Variants in BCL11A observed in about 807,000 individuals in gnomAD.
The protein encoded by BCL11A is BCL11 transcription factor A.
In BCL11A, 2 loss-of-function variants were observed where a neutral mutation model predicts 55.9. That is an observed-to-expected ratio of 0.04 (90% CI 0.01 to 0.11). BCL11A has a LOEUF of 0.11. Among genes scored for constraint, BCL11A ranks in the 10% least tolerant of loss-of-function variants. The pLI, the probability that BCL11A is intolerant of heterozygous loss-of-function variation, is 1.00. For missense variants in BCL11A, 817 were observed against 1,137.1 expected, an observed-to-expected ratio of 0.72 and a Z score of 4.05; for synonymous variants, 465 against 473.4, an observed-to-expected ratio of 0.98 and a Z score of 0.23.
intron 2 of BCL11A, among the ~76,000 whole-genome samples, chr2:60,482,074 A>T (rs188000534): frequency 1.2e-3 from 177 of 151,988 alleles, no homozygotes; most frequent in Non-Finnish European, 1.7e-3. Flanking sequence ...GTCACTTCTG[A>T]CTCCCAGGAA....
At position 60,457,668 on chromosome 2, in the gene BCL11A, T is replaced by C. The variant is rs1676002832; in HGVS notation, c.*2736A>G. On this transcript the variant is annotated 3_prime_UTR_variant, in exon 4 of 4. Transcript: ENST00000642384. ...GGCAATGAAAAAAACTGCAAAACAT[T>C]GGTTTTTTTTTTTTTTTCCTTTTTT... 9.7e-7 allele frequency: 1 copy of C among 1,029,934 alleles called. No individual in the cohort carries two copies. The highest frequency in any genetic ancestry group is 1.2e-6 in the Non-Finnish European group (1 of 856,488). 63.8% of individuals were successfully genotyped at this position (1,029,934 alleles called of 1,614,324 possible). A position where few individuals can be genotyped will look rare whatever the true frequency, so the allele number is the denominator to read the frequency against.
chr2:60,542,634 C>G (rs1412684957), intron 2 of BCL11A: 2 of 152,174 alleles, frequency 1.3e-5, no homozygotes, highest in African/African-American at 4.8e-5. Context: ...ATGAAAAAAG[C>G]AACCTGATTA....
At chr2:60,501,335 A>G (rs1679265526) in intron 2 of BCL11A, among the ~76,000 whole-genome samples, 1 of 152,138 alleles carries the variant, frequency 6.6e-6, no homozygotes, top group Non-Finnish European at 1.5e-5. Flanking sequence ...AATATCTATA[A>G]GAGCACAGGT....
intron 3 of BCL11A, among the ~76,000 whole-genome samples, chr2:60,464,966 T>G (rs1212979596): frequency 6.6e-6 from 1 of 152,180 alleles, no homozygotes; most frequent in Non-Finnish European, 1.5e-5. Context: ...ATATTCTAGA[T>G]CATGAGGGCA....
intron 2 of BCL11A, among the ~76,000 whole-genome samples, chr2:60,540,480 T>C (rs1055530213): frequency 6.6e-6 from 1 of 152,194 alleles, no homozygotes; most frequent in Admixed American, 6.5e-5. Flanking sequence ...AATTTAATAT[T>C]TCCCCCCAAA....
At chr2:60,515,591 A>T (rs1668694352) in intron 2 of BCL11A, among the ~76,000 whole-genome samples, 1 of 152,142 alleles carries the variant, frequency 6.6e-6, no homozygotes, top group Non-Finnish European at 1.5e-5. Flanking sequence ...TACCTAGAAA[A>T]ATGGCCTGGG....
At chr2:60,452,708 A>G, downstream of BCL11A, 1 of 1,473,496 alleles carries the variant, frequency 6.8e-7, no homozygotes, top group Non-Finnish European at 9.5e-7. Flanking sequence ...AAAAAAAAGT[A>G]CAGGTGTGAC....
chr2:60,487,726 A>C (rs6545816), intron 2 of BCL11A, among the ~76,000 whole-genome samples: 77,487 of 152,040 alleles, frequency 0.51, 20,467 homozygotes, highest in East Asian at 0.78. Flanking sequence ...AGCAGAATGT[A>C]AAAAGCAAGA....
At chr2:60,472,116 C>T (rs1271652971) in intron 2 of BCL11A, among the ~76,000 whole-genome samples, 2 of 152,192 alleles carry the variant, frequency 1.3e-5, no homozygotes, top group Non-Finnish European at 2.9e-5. Context: ...AAGGATCCCT[C>T]CATTAGGAAA....
chr2:60,548,661 A>G (rs1479421581), intron 1 of BCL11A, among the ~76,000 whole-genome samples: 1 of 152,250 alleles, frequency 6.6e-6, no homozygotes, highest in Non-Finnish European at 1.5e-5. Context: ...AACGTAAATT[A>G]TTGCTAATTA....
chr2:60,478,788 C>T (rs1305607543), intron 2 of BCL11A, among the ~76,000 whole-genome samples: 1 of 152,234 alleles, frequency 6.6e-6, no homozygotes, highest in Non-Finnish European at 1.5e-5. Context: ...CCTCCCATGA[C>T]GGCAAGTCCT....
intron 1 of BCL11A, among the ~76,000 whole-genome samples, chr2:60,549,562 G>A (rs1670307526): frequency 6.6e-6 from 1 of 152,206 alleles, no homozygotes; most frequent in Non-Finnish European, 1.5e-5. Context: ...GCAGCGTGCT[G>A]GCTGCAGGCT....
At chr2:60,527,709 C>T (rs1669267718) in intron 2 of BCL11A, 1 of 152,274 alleles carries the variant, frequency 6.6e-6, no homozygotes, top group Admixed American at 6.5e-5. Flanking sequence ...AACTCTTCCA[C>T]TCCTCCCACG....
intron 2 of BCL11A, among the ~76,000 whole-genome samples, chr2:60,512,729 T>C (rs941495351): frequency 1.3e-5 from 2 of 152,226 alleles, no homozygotes; most frequent in East Asian, 3.9e-4. Context: ...CTACGTTACT[T>C]GAAGTTGGTT....
intron 2 of BCL11A, among the ~76,000 whole-genome samples, chr2:60,519,880 C>T (rs1359404112): frequency 6.6e-6 from 1 of 152,198 alleles, no homozygotes; most frequent in Non-Finnish European, 1.5e-5. Flanking sequence ...ATTTGCCAAT[C>T]CATAACTCAG....
At position 60,458,740 on chromosome 2, in the gene BCL11A, A is replaced by G. The variant is rs1676069044; in HGVS notation, c.*1664T>C. 9.7e-7 allele frequency: 1 copy of G among 1,033,100 alleles called. No individual in the cohort carries two copies. Among genetic ancestry groups the G allele is most frequent in the African/African-American group, 1.7e-5 (1 of 59,276 alleles). The allele number at this position is 1,033,100 out of a possible 1,614,324, so 64.0% of individuals were successfully genotyped here. ...ACAGTGCACTTAATTGTCCTATCTGAGCAGGTTTATTTTATACTCAACCTC... is the reference window on the plus strand; with the variant it reads ...ACAGTGCACTTAATTGTCCTATCTGGGCAGGTTTATTTTATACTCAACCTC... On this transcript the variant is annotated 3_prime_UTR_variant, in exon 4 of 4. Transcript: ENST00000642384.
In BCL11A at chr2:60,553,569, G is replaced by T; in HGVS notation, c.-299C>A. On this transcript the variant is annotated 5_prime_UTR_variant, in exon 1 of 4. Transcript: ENST00000642384. ...AGAGAGAGAGAGAGATGAAAAAAAT[G>T]GCAAAAGCCCCCCTGAGCTGCAAGT... 1 of 386,988 alleles carries T rather than the reference G, an allele frequency of 2.6e-6. No homozygotes were observed. Among genetic ancestry groups the T allele is most frequent in the South Asian group, 4.8e-5 (1 of 20,808 alleles). 24.0% of individuals were successfully genotyped at this position (386,988 alleles called of 1,614,324 possible).
At chr2:60,472,989 GTGTGTTTGCAAGCATTTATGTGTACATA>G (rs1310982027) in intron 2 of BCL11A, among the ~76,000 whole-genome samples, 3 of 143,972 alleles carry the variant, frequency 2.1e-5, no homozygotes, top group Non-Finnish European at 4.8e-5. Context: ...GTACGTGTGT[GTGTGTTTGCAAGCATTTATGTGTACATA>G]TGTGTGTTAG....
intron 2 of BCL11A, among the ~76,000 whole-genome samples, chr2:60,474,362 G>A (rs968381314): frequency 6.6e-6 from 1 of 151,998 alleles, no homozygotes; most frequent in South Asian, 2.1e-4. Context: ...AAGACATTGT[G>A]TTCCATCTTT....
Sources: allele counts gnomAD v4.1 joint callset (sites outside exome capture counted in the v4.1 genomes callset), GRCh38; gene constraint gnomAD v4.1.1; transcripts MANE v1.5; gene names NCBI Gene and HGNC (gene_info 2026-07-23, HGNC 2026-07-21).